Variants in GNG7 observed in about 807,000 individuals in gnomAD.
GNG7 encodes the protein guanine nucleotide-binding protein G(I)/G(S)/G(O) subunit gamma-7.
Under a neutral mutation model 4.0 loss-of-function variants are expected in GNG7, and 1 was observed. The observed-to-expected ratio is 0.25, with a 90% CI of 0.09 to 1.18. GNG7 has a LOEUF of 1.18. Among genes scored for constraint, GNG7 ranks in the 50% most tolerant of loss-of-function variants. The pLI, the probability that GNG7 is intolerant of heterozygous loss-of-function variation, is 0.50. For synonymous variants in GNG7, 34 were observed against 36.9 expected (o/e 0.92, Z 0.29); for missense variants, 86 against 91.9 (o/e 0.94, Z 0.26).
chr19:2,586,841 CG>C (rs1340706697), intron 2 of GNG7, among the ~76,000 whole-genome samples: 1 of 151,740 alleles, frequency 6.6e-6, no homozygotes, highest in African/African-American at 2.4e-5. Flanking sequence ...AAAAATTAGC[CG>C]GGTGTGGTGT....
At chr19:2,590,797 C>T (rs148728724) in intron 2 of GNG7, among the ~76,000 whole-genome samples, 99 of 150,410 alleles carry the variant, frequency 6.6e-4, no homozygotes, top group African/African-American at 2.4e-3. Context: ...ACCCAACCAA[C>T]CATCCACCCA....
At chr19:2,553,974 ATAT>A (rs1205555678) in intron 3 of GNG7, among the ~76,000 whole-genome samples, 2 of 65,232 alleles carry the variant, frequency 3.1e-5, no homozygotes, top group East Asian at 3.3e-4. Context: ...ACATATGTAT[ATAT>A]TATATGTAAT....
chr19:2,666,134 A>G (rs1033603784), intron 1 of GNG7, among the ~76,000 whole-genome samples: 3 of 150,492 alleles, frequency 2.0e-5, no homozygotes, highest in Non-Finnish European at 4.4e-5. Context: ...CCAAAGTGCC[A>G]CCGTGCCCGG....
At chr19:2,685,782 C>G (rs543002027) in intron 1 of GNG7, among the ~76,000 whole-genome samples, 2 of 152,270 alleles carry the variant, frequency 1.3e-5, no homozygotes, top group Non-Finnish European at 2.9e-5. Context: ...GTCCTCCTCC[C>G]GAGACGAGGG....
chr19:2,636,220 TG>T (rs1281774161), intron 2 of GNG7, among the ~76,000 whole-genome samples: 1 of 151,828 alleles, frequency 6.6e-6, no homozygotes, highest in East Asian at 1.9e-4. Context: ...ACTCAGGGGG[TG>T]GATGGAATTC....
intron 2 of GNG7, among the ~76,000 whole-genome samples, chr19:2,629,547 C>G (rs1479012951): frequency 6.6e-6 from 1 of 152,198 alleles, no homozygotes; most frequent in Non-Finnish European, 1.5e-5. Context: ...GCCACCCCCT[C>G]CCCACGACAA....
At chr19:2,607,118 G>A (rs1331294627) in intron 2 of GNG7, among the ~76,000 whole-genome samples, 1 of 151,876 alleles carries the variant, frequency 6.6e-6, no homozygotes, top group East Asian at 1.9e-4. Flanking sequence ...CTACTCAAGA[G>A]GCTGAGGTGG....
Position 2,659,692 on chromosome 19 carries a change from CAG to C in GNG7, c.-134-13414_-134-13413del, listed in dbSNP as rs1373527384. 3.3e-5 allele frequency among the ~76,000 whole-genome samples: 4 copies of C among 120,526 alleles called. No individual in the cohort carries two copies. In the South Asian group the frequency reaches 8.9e-4, roughly 27 times the overall value. The allele number at this position is 120,526 out of a possible 152,430, so 79.1% of individuals were successfully genotyped here. On this transcript the variant is annotated intron_variant, in intron 1 of 4. Coordinates refer to ENST00000382159, the MANE Select transcript of GNG7 (RefSeq NM_052847.3). ...AGAAAGGGTGGGAGAGAGAGGAAAA[CAG>C]AGTGAGAGGGAGGGAGAGAGGAAGG...
chr19:2,631,511 C>A (rs542683189), intron 2 of GNG7, among the ~76,000 whole-genome samples: 2 of 152,070 alleles, frequency 1.3e-5, no homozygotes, highest in African/African-American at 4.8e-5. Flanking sequence ...TGTCTGTGGC[C>A]GTGTGCCAAT....
rs530863167 is a variant in GNG7, at chr19:2,585,793, C to T, written c.-77-30605G>A. On this transcript the variant is annotated intron_variant, in intron 2 of 4. Coordinates refer to ENST00000382159, the MANE Select transcript of GNG7 (RefSeq NM_052847.3). ...TCGGCTCACTGTAACCTCCGCCTCC[C>T]GGGTTCACGCCATTCTCCTGCCTCA... is the stretch of plus-strand genomic sequence containing the variant. Among the ~76,000 whole-genome samples the T allele has an allele frequency of 3.8e-3, 572 of 152,262 alleles. 5 individuals carry two copies. The highest frequency in any genetic ancestry group is 0.013 in the African/African-American group (542 of 41,556).
At chr19:2,687,278 T>C (rs961188741) in intron 1 of GNG7, among the ~76,000 whole-genome samples, 13 of 152,098 alleles carry the variant, frequency 8.5e-5, no homozygotes, top group African/African-American at 2.4e-4. Flanking sequence ...CAGGCTGGTC[T>C]CAAGCTCCTG....
In GNG7 at chr19:2,618,342, GGTGTGTGTGTGTGT is replaced by G. The variant is rs35982775; in HGVS notation, c.-78+27868_-78+27881del. The stretch of plus-strand genomic sequence containing the variant: ...TTCTCTTTTCTACCTGTATGTGTGT[GGTGTGTGTGTGTGT>G]GTGTGTGTGTGTGTGTGTATCTCAC... On this transcript the variant is annotated intron_variant, in intron 2 of 4. Transcript: ENST00000382159. The surrounding 1 kb of genome is among the most constrained non-coding windows in gnomAD (Gnocchi z 5.1). Among the ~76,000 whole-genome samples, 2,908 of 146,486 alleles carry G rather than the reference GGTGTGTGTGTGTGT, an allele frequency of 0.02. 100 individuals carry two copies. Among genetic ancestry groups the G allele is most frequent in the African/African-American group, 0.069 (2,749 of 39,948 alleles).
At chr19:2,658,835 C>A (rs1200850648) in intron 1 of GNG7, among the ~76,000 whole-genome samples, 1 of 152,122 alleles carries the variant, frequency 6.6e-6, no homozygotes, top group South Asian at 2.1e-4. Context: ...CGTACCTTTT[C>A]GGGGAGAGGA....
intron 2 of GNG7, among the ~76,000 whole-genome samples, chr19:2,572,973 C>T (rs1414936422): frequency 6.6e-6 from 1 of 151,506 alleles, no homozygotes; most frequent in African/African-American, 2.4e-5. Flanking sequence ...TCCAACCACA[C>T]ATCCATGCAT....
intron 3 of GNG7, among the ~76,000 whole-genome samples, chr19:2,530,495 A>T: frequency 6.6e-6 from 1 of 151,012 alleles, no homozygotes; most frequent in Non-Finnish European, 1.5e-5. Flanking sequence ...CTGAGGTGGG[A>T]GGATCACTTG....
At chr19:2,688,226 C>T (rs930132086) in intron 1 of GNG7, among the ~76,000 whole-genome samples, 61 of 152,350 alleles carry the variant, frequency 4.0e-4, no homozygotes, top group Non-Finnish European at 4.9e-4. Flanking sequence ...GCACTCCAGC[C>T]TGGGCGACAG....
intron 3 of GNG7, among the ~76,000 whole-genome samples, chr19:2,551,850 ATTT>A (rs1045217625): frequency 2.0e-5 from 3 of 151,512 alleles, no homozygotes; most frequent in African/African-American, 4.9e-5. Context: ...CGCCCGGCTA[ATTT>A]TTTTTATTTT....
At chr19:2,643,863 C>A (rs1472707647) in intron 2 of GNG7, 4 of 345,266 alleles carry the variant, frequency 1.2e-5, no homozygotes, top group South Asian at 6.7e-5. Flanking sequence ...CCGATCCCAA[C>A]CCCCCAGCCT....
chr19:2,689,836 C>T (rs891128340), intron 1 of GNG7, among the ~76,000 whole-genome samples: 13 of 152,142 alleles, frequency 8.5e-5, no homozygotes, highest in Non-Finnish European at 1.2e-4. Flanking sequence ...AGGGCCAACA[C>T]GCTTTTTCGG....
Sources: allele counts gnomAD v4.1 joint callset (sites outside exome capture counted in the v4.1 genomes callset), GRCh38; gene constraint gnomAD v4.1.1; non-coding constraint Gnocchi (gnomAD v3.1); transcripts MANE v1.5; gene names NCBI Gene and HGNC (gene_info 2026-07-23, HGNC 2026-07-21).